The following TSPEAR variants were observed in gnomAD, a reference collection of about 807,000 sequenced individuals.
TSPEAR encodes the protein thrombospondin type laminin G domain and EAR repeats.
In TSPEAR, 69 loss-of-function variants were observed where a neutral mutation model predicts 71.6. That is an observed-to-expected ratio of 0.96 (90% CI 0.79 to 1.18). TSPEAR has a LOEUF of 1.18. Ranked by LOEUF, TSPEAR falls within the 50% of genes most tolerant of loss-of-function variation. The pLI, the probability that TSPEAR is intolerant of heterozygous loss-of-function variation, is 0.00. For synonymous variants in TSPEAR, 402 were observed against 387.2 expected (o/e 1.04, Z -0.45); for missense variants, 971 against 894.9 (o/e 1.09, Z -1.09).
At chr21:44,535,854 G>A (rs141628176) in intron 2 of TSPEAR, among the ~76,000 whole-genome samples, 421 of 145,058 alleles carry the variant, frequency 2.9e-3, no homozygotes, top group Admixed American at 6.0e-3. Context: ...ATAAAGCAAA[G>A]TTTTGAGCTT....
intron 1 of TSPEAR, chr21:44,637,227 G>A: frequency 1.3e-6 from 1 of 762,642 alleles, no homozygotes; most frequent in East Asian, 2.6e-5. Context: ...GGCAAAGGAA[G>A]CAGAAATAAT....
intron 1 of TSPEAR, chr21:44,666,247 CCA>C: frequency 1.6e-6 from 1 of 639,116 alleles, no homozygotes; most frequent in South Asian, 2.8e-5. Context: ...CTCTGGGACC[CCA>C]GACTTCCCTG....
chr21:44,652,583 TCTC>T (rs1262325446), intron 1 of TSPEAR, among the ~76,000 whole-genome samples: 3 of 152,156 alleles, frequency 2.0e-5, no homozygotes, highest in Non-Finnish European at 2.9e-5. Context: ...AAGGGGGAAT[TCTC>T]CTCGTTGAAA....
At chr21:44,688,239 G>A (rs551137279) in intron 1 of TSPEAR, among the ~76,000 whole-genome samples, 4 of 152,204 alleles carry the variant, frequency 2.6e-5, no homozygotes, top group African/African-American at 9.6e-5. Flanking sequence ...GGAGAATAAC[G>A]GTGGATCGCA....
chr21:44,599,134 T>TTCCCTCTCTCTCTCTCTCTCTCTC (rs1980575358), intron 1 of TSPEAR, among the ~76,000 whole-genome samples: 1 of 92,280 alleles, frequency 1.1e-5, no homozygotes, highest in Admixed American at 1.4e-4. Flanking sequence ...GGCCCCCATT[T>TTCCCTCTCTCTCTCTCTCTCTCTC]TCTCTCTCTC....
intron 1 of TSPEAR, among the ~76,000 whole-genome samples, chr21:44,618,468 A>G (rs1287036615): frequency 6.6e-6 from 1 of 152,246 alleles, no homozygotes; most frequent in Admixed American, 6.5e-5. Flanking sequence ...GGTAAAATCA[A>G]CTTTATCCAA....
intron 2 of TSPEAR, chr21:44,557,894 T>G (rs1555920083): frequency 1.1e-6 from 1 of 875,362 alleles, no homozygotes; most frequent in Non-Finnish European, 1.7e-6. Context: ...GTGGGAGAGA[T>G]GCATGCCTGG....
At chr21:44,651,198 G>C (rs1031688875) in intron 1 of TSPEAR, among the ~76,000 whole-genome samples, 1 of 152,154 alleles carries the variant, frequency 6.6e-6, no homozygotes, top group Admixed American at 6.5e-5. Flanking sequence ...CAGAGAGAGT[G>C]ACAGCCCAGT....
In TSPEAR at chr21:44,499,693, G is replaced by A. The variant is rs2051988468; in HGVS notation, c.*90C>T. On this transcript the variant is annotated 3_prime_UTR_variant, in exon 12 of 12. Transcript: ENST00000323084. Reference sequence around the variant, plus strand: ...GCCCAGGCCCGGGATGCCCTAGGCTGGGCCCACCTGGACGTCCAGGGTCAG... The same window carrying A: ...GCCCAGGCCCGGGATGCCCTAGGCTAGGCCCACCTGGACGTCCAGGGTCAG... 2.2e-6 allele frequency: 3 copies of A among 1,380,228 alleles called. No homozygotes were observed. Among genetic ancestry groups the A allele is most frequent in the East Asian group, 5.4e-5 (2 of 36,730 alleles). 85.5% of individuals were successfully genotyped at this position (1,380,228 alleles called of 1,614,324 possible).
At chr21:44,666,582 G>T in intron 1 of TSPEAR, 1 of 1,612,692 alleles carries the variant, frequency 6.2e-7, no homozygotes. Context: ...GCACAGGGAG[G>T]ACTGGCAGGA....
At chr21:44,637,787 C>T (rs1485373390) in intron 1 of TSPEAR, 1 of 1,361,664 alleles carries the variant, frequency 7.3e-7, no homozygotes, top group Non-Finnish European at 1.0e-6. Context: ...CGAGTCTTCC[C>T]CTTCATGCTG....
chr21:44,609,042 T>G (rs868994714), intron 1 of TSPEAR, among the ~76,000 whole-genome samples: 2 of 151,900 alleles, frequency 1.3e-5, no homozygotes, highest in African/African-American at 4.8e-5. Flanking sequence ...AAAAAAAGAG[T>G]GAAGTACTGA....
At position 44,711,377 on chromosome 21, in the gene TSPEAR, C is replaced by T; in HGVS notation, c.82+56G>A. ...GAAAGTGGCATTTGTGACTCGACAC[C>T]CCTCCCAGCTCCCCGGCAAGATACC... On this transcript the variant is annotated intron_variant, in intron 1 of 11. Coordinates refer to ENST00000323084, the MANE Select transcript of TSPEAR (RefSeq NM_144991.3). This position sits in a 1 kb window ranked among gnomAD's most constrained non-coding sequence, Gnocchi z 4.5. 6.7e-7 allele frequency: 1 copy of T among 1,489,754 alleles called. No individual in the cohort carries two copies. Among genetic ancestry groups the T allele is most frequent in the Non-Finnish European group, 9.1e-7 (1 of 1,094,886 alleles). 92.3% of individuals were successfully genotyped at this position (1,489,754 alleles called of 1,614,324 possible).
At chr21:44,518,417 C>G in intron 9 of TSPEAR, 1 of 407,470 alleles carries the variant, frequency 2.5e-6, no homozygotes. Flanking sequence ...GGTGTTATCA[C>G]AGGGGCTTTA....
At chr21:44,537,944 G>C (rs1207438900) in intron 2 of TSPEAR, among the ~76,000 whole-genome samples, 1 of 152,234 alleles carries the variant, frequency 6.6e-6, no homozygotes, top group Admixed American at 6.5e-5. Flanking sequence ...GAGCAGATCA[G>C]GCTGAGCCGG....
chr21:44,697,479 C>T, intron 1 of TSPEAR: 1 of 1,614,094 alleles, frequency 6.2e-7, no homozygotes, highest in Non-Finnish European at 8.5e-7. Flanking sequence ...TGCCAGCCGG[C>T]TTGCTGCACC....
At chr21:44,543,565 G>A (rs1188914385) in intron 2 of TSPEAR, among the ~76,000 whole-genome samples, 2 of 152,184 alleles carry the variant, frequency 1.3e-5, no homozygotes, top group Non-Finnish European at 2.9e-5. Flanking sequence ...GATATAATTA[G>A]TTAAGTCATA....
At chr21:44,605,942 T>C (rs928393160) in intron 1 of TSPEAR, among the ~76,000 whole-genome samples, 11 of 151,734 alleles carry the variant, frequency 7.2e-5, no homozygotes, top group Non-Finnish European at 1.5e-4. Context: ...AAATAAAACA[T>C]AGACAAATGA....
rs1569172622 is a variant in TSPEAR, at chr21:44,538,434, C to CG, written c.304-4512_304-4511insC. On this transcript the variant is annotated intron_variant, in intron 2 of 11. Coordinates refer to ENST00000323084, the MANE Select transcript of TSPEAR (RefSeq NM_144991.3). Reference sequence around the variant, plus strand: ...TGTGGAAACTGCTGCCCCCCCCCCCCCCAAGAGGAGAACCTGGGCAGCGCC... The same window carrying CG: ...TGTGGAAACTGCTGCCCCCCCCCCCCGCCAAGAGGAGAACCTGGGCAGCGCC... Among the ~76,000 whole-genome samples the CG allele has an allele frequency of 1.7e-4, 15 of 86,628 alleles. No individual in the cohort carries two copies. The South Asian group carries it at 2.7e-3, about 16-fold the overall frequency. 56.8% of individuals were successfully genotyped at this position (86,628 alleles called of 152,430 possible). A position where few individuals can be genotyped will look rare whatever the true frequency, so the allele number is the denominator to read the frequency against.
Sources: allele counts gnomAD v4.1 joint callset (sites outside exome capture counted in the v4.1 genomes callset), GRCh38; gene constraint gnomAD v4.1.1; non-coding constraint Gnocchi (gnomAD v3.1); transcripts MANE v1.5; gene names NCBI Gene and HGNC (gene_info 2026-07-23, HGNC 2026-07-21).